Variants in NLRP4 observed in about 807,000 individuals in gnomAD.
NLRP4 encodes the protein NLR family pyrin domain containing 4.
A neutral mutation model predicts 84.7 loss-of-function variants in NLRP4; 44 were observed. The observed-to-expected ratio is 0.52, with a 90% CI of 0.41 to 0.67. NLRP4 has a LOEUF of 0.67. NLRP4 is among the 30% of genes least tolerant of loss of function. The pLI, the probability that NLRP4 is intolerant of heterozygous loss-of-function variation, is 0.00. For missense variants in NLRP4, 1,260 were observed against 1,219.4 expected, an observed-to-expected ratio of 1.03 and a Z score of -0.50; for synonymous variants, 544 against 476.4, an observed-to-expected ratio of 1.14 and a Z score of -1.85.
chr19:55,858,132 C>G lies in NLRP4; in HGVS notation c.739C>G (p.Leu247Val). 6.2e-7 allele frequency: 1 copy of G among 1,614,144 alleles called. No individual in the cohort carries two copies. The highest frequency in any genetic ancestry group is 8.5e-7 in the Non-Finnish European group (1 of 1,180,024). ...QGGLNEPDSD[L>V]CGDLMEKRPV... ...CGGCTTGAACGAACCCGATTCGGAT[C>G]TGTGTGGTGACTTGATGGAGAAACG... Residue 247 changes from leucine to valine, a missense_variant, in exon 3 of 10, where the codon CTG becomes GTG. Physicochemically the swap from Leu to Val is conservative, Grantham distance 32 (BLOSUM62 1). Transcript: ENST00000301295. The surrounding 1 kb of genome is among the most constrained non-coding windows in gnomAD (Gnocchi z 4.2).
At chr19:55,869,843 C>A (rs996308628) in intron 6 of NLRP4, among the ~76,000 whole-genome samples, 9 of 151,746 alleles carry the variant, frequency 5.9e-5, no homozygotes, top group Non-Finnish European at 1.3e-4. Flanking sequence ...ATTCCCAACA[C>A]TTTGGGACGT....
chr19:55,858,800 C>T lies in NLRP4; in HGVS notation c.1407C>T (p.His469=), dbSNP rs379327. Residue 469 remains histidine (H), a synonymous_variant, in exon 3 of 10, where the codon CAC becomes CAT. Coordinates refer to ENST00000301295, the MANE Select transcript of NLRP4 (RefSeq NM_134444.5). The surrounding 1 kb of genome is among the most constrained non-coding windows in gnomAD (Gnocchi z 4.2). ...CAALFYLLKS[H]LDHPHPAVRC... ...CCTTGTTCTATTTGCTCAAGAGCCA[C>T]CTTGATCATCCTCACCCAGCTGTGA... is the stretch of plus-strand genomic sequence containing the variant. 0.12 allele frequency: 194,680 copies of T among 1,613,904 alleles called. 12,871 individuals carry two copies. The highest frequency in any genetic ancestry group is 0.22 in the Admixed American group (13,254 of 60,014).
intron 4 of NLRP4, 73 bp downstream of exon 4, chr19:55,861,620 C>T (rs1432217130): frequency 2.9e-6 from 4 of 1,384,204 alleles, no homozygotes; most frequent in Non-Finnish European, 4.0e-6. Flanking sequence ...AGCTTTCAGT[C>T]GAGGCTAACT....
intron 7 of NLRP4, among the ~76,000 whole-genome samples, chr19:55,873,254 A>G (rs1177868630): frequency 6.6e-6 from 1 of 152,210 alleles, no homozygotes; most frequent in African/African-American, 2.4e-5. Context: ...GTGTATAAAA[A>G]TAATACCATC....
intron 4 of NLRP4, 21 bp downstream of exon 4, chr19:55,861,568 G>C (rs146774009): frequency 6.8e-6 from 11 of 1,609,312 alleles, no homozygotes; most frequent in Non-Finnish European, 9.4e-6. Context: ...AATCGACTTC[G>C]ACTCGAGTAT....
rs141198839 is a variant in NLRP4, at chr19:55,858,681, C to T, written c.1288C>T (p.Pro430Ser). 276 of 1,614,148 alleles carry T rather than the reference C, an allele frequency of 1.7e-4. 4 individuals are homozygous for T. The East Asian group carries it at 5.8e-3, about 34-fold the overall frequency. Reference protein sequence around the residue: ...RRNGVVDADIPALLGTKILLK... With the variant: ...RRNGVVDADISALLGTKILLK... ...AAATGGGGTTGTTGACGCTGACATC[C>T]CTGCGCTGCTGGGCACCAAGATACT... Residue 430 changes from proline (P) to serine (S), a missense_variant, in exon 3 of 10, where the codon CCT becomes TCT. Physicochemically the swap from Pro to Ser is moderately conservative, Grantham distance 74. This residue lies in a region of NLRP4 where 712 missense variants were observed against 669.2 expected (regional missense o/e 1.06). Transcript: ENST00000301295. This position sits in a 1 kb window ranked among gnomAD's most constrained non-coding sequence, Gnocchi z 4.2.
chr19:55,880,607 T>TGCATTTGA (rs1985549132), intron 9 of NLRP4, among the ~76,000 whole-genome samples: 1 of 152,192 alleles, frequency 6.6e-6, no homozygotes, highest in African/African-American at 2.4e-5. Flanking sequence ...AGATACATAG[T>TGCATTTGA]TGTGCTAAAG....
At chr19:55,864,333 C>T (rs990992643) in intron 5 of NLRP4, among the ~76,000 whole-genome samples, 5 of 152,150 alleles carry the variant, frequency 3.3e-5, no homozygotes, top group African/African-American at 4.8e-5. Context: ...TGGTCTTTTG[C>T]GAATGGCTTA....
Position 55,840,452 on chromosome 19 carries a change from C to G in NLRP4, c.-66+3518C>G, listed in dbSNP as rs535019270. Reference sequence around the variant, plus strand: ...AGGCTGGAATGCAGTGGTGCCATCTCAGCTCACTGCAAGCTTTGCCTCCCG... The same window carrying G: ...AGGCTGGAATGCAGTGGTGCCATCTGAGCTCACTGCAAGCTTTGCCTCCCG... On this transcript the variant is annotated intron_variant, in intron 1 of 9. Transcript: ENST00000301295. 2.6e-5 allele frequency among the ~76,000 whole-genome samples: 4 copies of G among 152,174 alleles called. No homozygotes were observed. The South Asian group carries it at 8.3e-4, about 32-fold the overall frequency.
rs375518111 is a variant in NLRP4 at position 55,872,920 on chromosome 19, G to C, written c.2525+1923G>C. On this transcript the variant is annotated intron_variant, in intron 7 of 9. Transcript: ENST00000301295. ...TAACAAGGGGCTGGGAGCTTGGGGC[G>C]GGGGAAAGTGATATCTACAAGAAAG... is the stretch of plus-strand genomic sequence containing the variant. 6.7e-3 allele frequency among the ~76,000 whole-genome samples: 999 copies of C among 148,828 alleles called. 14 individuals are homozygous for C. Among genetic ancestry groups the C allele is most frequent in the African/African-American group, 0.021 (883 of 41,300 alleles).
Position 55,857,718 on chromosome 19 carries a change from C to T in NLRP4, c.325C>T (p.Arg109Cys), listed in dbSNP as rs776749054. The T allele has an allele frequency of 6.2e-6, 10 of 1,613,406 alleles. No individual in the cohort carries two copies. The highest frequency in any genetic ancestry group is 8.5e-6 in the Non-Finnish European group (10 of 1,179,488). Residue 109 changes from arginine to cysteine, a missense_variant, in exon 3 of 10, where the codon CGC (arginine) becomes TGC (cysteine). Physicochemically the swap from Arg to Cys is radical, Grantham distance 180. This residue lies in a region of NLRP4 where 712 missense variants were observed against 669.2 expected (regional missense o/e 1.06). Coordinates refer to ENST00000301295, the MANE Select transcript of NLRP4 (RefSeq NM_134444.5). Reference sequence around the variant, plus strand: ...AGCTCACGCAAAGCAGAAATTCAGCCGCTTATGGTCCAGCAAGTCTGTCAC... The same window carrying T: ...AGCTCACGCAAAGCAGAAATTCAGCTGCTTATGGTCCAGCAAGTCTGTCAC... Reference protein sequence around the residue: ...YQAHAKQKFSRLWSSKSVTEI... With the variant: ...YQAHAKQKFSCLWSSKSVTEI...
Position 55,836,949 on chromosome 19 carries a change from T to G in NLRP4, c.-66+15T>G, listed in dbSNP as rs970095371. The G allele has an allele frequency of 6.6e-6, 1 of 152,134 alleles. No homozygotes were observed. The highest frequency in any genetic ancestry group is 1.5e-5 in the Non-Finnish European group (1 of 68,030). 9.4% of individuals were successfully genotyped at this position (152,134 alleles called of 1,614,324 possible). A position where few individuals can be genotyped will look rare whatever the true frequency, so the allele number is the denominator to read the frequency against. ...ACAGGGATGAGGTAAGGGGGGGGAC[T>G]TCCCATGAAAGGTGGGACCCAAGCC... On this transcript the variant is annotated intron_variant, in intron 1 of 9. Transcript: ENST00000301295.
At position 55,881,685 on chromosome 19, in the gene NLRP4, T is replaced by A. The variant is rs302457; in HGVS notation, c.*98T>A. 1 of 628,782 alleles carries A rather than the reference T, an allele frequency of 1.6e-6. No individual in the cohort carries two copies. Among genetic ancestry groups the A allele is most frequent in the Non-Finnish European group, 2.9e-6 (1 of 350,348 alleles). 39.0% of individuals were successfully genotyped at this position (628,782 alleles called of 1,614,324 possible). On this transcript the variant is annotated 3_prime_UTR_variant, in exon 10 of 10. Transcript: ENST00000301295. The stretch of plus-strand genomic sequence containing the variant: ...GCACCCAGGAGATACAAATCATTGA[T>A]ACTCTGAGTTGTGAGATTTCTGGCA...
chr19:55,881,562 A>T lies in NLRP4; in HGVS notation c.2960A>T (p.Asp987Val). The T allele has an allele frequency of 6.3e-7, 1 of 1,587,960 alleles. No homozygotes were observed. The highest frequency in any genetic ancestry group is 8.6e-7 in the Non-Finnish European group (1 of 1,156,258). Residue 987 changes from aspartate to valine, a missense_variant, in exon 10 of 10, where the codon GAC becomes GTC. Transcript: ENST00000301295. ...AACCTGACCATCACAGACGACTGTG[A>T]CACAATCACAAGGGTAGAGATCTGA... ...NPNLTITDDC[D>V]TITRVEI is the part of the protein sequence containing the mutation.
At chr19:55,880,734 T>A (rs925194716) in intron 9 of NLRP4, among the ~76,000 whole-genome samples, 2 of 152,086 alleles carry the variant, frequency 1.3e-5, no homozygotes, top group African/African-American at 4.8e-5. Context: ...ATCCTTCTGA[T>A]TCAAAGCAAT....
At position 55,881,851 on chromosome 19, in the gene NLRP4, G is replaced by T; in HGVS notation, c.*264G>T. ...ATAAAGTGTTACATTTCTAAACATT[G>T]GAAATTCTTTTTTTGCCTTTTTTTA... On this transcript the variant is annotated 3_prime_UTR_variant, in exon 10 of 10. Coordinates refer to ENST00000301295, the MANE Select transcript of NLRP4 (RefSeq NM_134444.5). 1 of 261,034 alleles carries T rather than the reference G, an allele frequency of 3.8e-6. No individual in the cohort carries two copies. Among genetic ancestry groups the T allele is most frequent in the Non-Finnish European group, 7.1e-6 (1 of 140,090 alleles). The allele number at this position is 261,034 out of a possible 1,614,324, so 16.2% of individuals were successfully genotyped here.
chr19:55,856,666 C>CGTGT (rs1429695062), intron 2 of NLRP4, among the ~76,000 whole-genome samples: 3 of 151,734 alleles, frequency 2.0e-5, no homozygotes, highest in Admixed American at 1.3e-4. Flanking sequence ...CAGGCACACA[C>CGTGT]CACCACGCCC....
chr19:55,869,538 G>A (rs867675022), intron 6 of NLRP4, among the ~76,000 whole-genome samples: 1 of 152,134 alleles, frequency 6.6e-6, no homozygotes, highest in South Asian at 2.1e-4. Flanking sequence ...TAGCCTGTTG[G>A]ATTTCCATGT....
intron 1 of NLRP4, among the ~76,000 whole-genome samples, chr19:55,838,519 G>A (rs537714081): frequency 6.6e-6 from 1 of 152,166 alleles, no homozygotes; most frequent in South Asian, 2.1e-4. Flanking sequence ...TGAGACAGTA[G>A]GTTTCTGTTT....
Sources: gnomAD v4.1 joint callset for allele counts (sites outside exome capture counted in the v4.1 genomes callset) on GRCh38, gnomAD v4.1.1 for gene constraint, gnomAD v4.1.1 regional missense constraint, Gnocchi (gnomAD v3.1) non-coding constraint, MANE v1.5 for transcripts, NCBI Gene and HGNC (gene_info 2026-07-23, HGNC 2026-07-21) for gene names.